LRRTM4: variants seen among roughly 807,000 people sequenced by gnomAD.
LRRTM4 encodes leucine-rich repeat transmembrane neuronal protein 4.
LRRTM4 carries 25 observed loss-of-function variants against 47.6 expected under a neutral mutation model. That is an observed-to-expected ratio of 0.53 (90% CI 0.38 to 0.73). The LOEUF (loss-of-function observed/expected upper bound fraction) is 0.73, where lower values mean the gene tolerates loss of function less well. Among genes scored for constraint, LRRTM4 ranks in the 30% least tolerant of loss-of-function variants. The pLI, the probability that LRRTM4 is intolerant of heterozygous loss-of-function variation, is 0.00. For missense variants in LRRTM4, 638 were observed against 713.4 expected, an observed-to-expected ratio of 0.89 and a Z score of 1.20; for synonymous variants, 311 against 269.5, an observed-to-expected ratio of 1.15 and a Z score of -1.51.
intron 3 of LRRTM4, among the ~76,000 whole-genome samples, chr2:77,149,128 C>G (rs1013016823): frequency 6.6e-6 from 1 of 152,070 alleles, no homozygotes; most frequent in Non-Finnish European, 1.5e-5. Flanking sequence ...GGCCATTGAG[C>G]ATTTGATCTG....
At chr2:77,071,489 G>C (rs1285526906) in intron 3 of LRRTM4, among the ~76,000 whole-genome samples, 1 of 151,996 alleles carries the variant, frequency 6.6e-6, no homozygotes, top group Non-Finnish European at 1.5e-5. Flanking sequence ...TATTTTAAGT[G>C]TATTGAAATT....
chr2:76,807,291 T>C (rs1199772156), intron 3 of LRRTM4, among the ~76,000 whole-genome samples: 1 of 151,232 alleles, frequency 6.6e-6, no homozygotes, highest in African/African-American at 2.4e-5. Context: ...CCTCATTGTT[T>C]AGCATGGCAC....
intron 3 of LRRTM4, among the ~76,000 whole-genome samples, chr2:76,770,008 CTGTT>C (rs1384674552): frequency 1.3e-5 from 2 of 152,184 alleles, no homozygotes; most frequent in African/African-American, 4.8e-5. Context: ...GCCCAGGAAT[CTGTT>C]TGAGCAGGCC....
intron 3 of LRRTM4, among the ~76,000 whole-genome samples, chr2:77,114,891 G>T (rs1305292114): frequency 6.6e-6 from 1 of 152,022 alleles, no homozygotes; most frequent in Non-Finnish European, 1.5e-5. Flanking sequence ...TACTGATGAG[G>T]GTCTATGTCC....
chr2:76,840,075 G>A (rs1033617217), intron 3 of LRRTM4, among the ~76,000 whole-genome samples: 3 of 152,024 alleles, frequency 2.0e-5, no homozygotes, highest in Non-Finnish European at 2.9e-5. Context: ...TTTGTTTTGT[G>A]GACCCCAATC....
intron 3 of LRRTM4, among the ~76,000 whole-genome samples, chr2:77,076,906 T>G (rs1196023529): frequency 6.6e-6 from 1 of 152,190 alleles, no homozygotes; most frequent in Non-Finnish European, 1.5e-5. Flanking sequence ...ATCCCTTTGT[T>G]AAGAAGCATC....
intron 3 of LRRTM4, among the ~76,000 whole-genome samples, chr2:77,068,181 G>C (rs1462446934): frequency 1.3e-5 from 2 of 151,998 alleles, no homozygotes; most frequent in Non-Finnish European, 2.9e-5. Context: ...ATTTCAAATT[G>C]TTTAAAATAC....
At chr2:77,181,142 T>C (rs573231839) in intron 3 of LRRTM4, among the ~76,000 whole-genome samples, 56 of 152,280 alleles carry the variant, frequency 3.7e-4, no homozygotes, top group African/African-American at 1.3e-3. Context: ...TTTTGAGAAG[T>C]GTCTGTAAAC....
intron 3 of LRRTM4, among the ~76,000 whole-genome samples, chr2:77,221,713 T>C (rs1674638002): frequency 6.6e-6 from 1 of 152,006 alleles, no homozygotes; most frequent in African/African-American, 2.4e-5. Context: ...AAGCAAGTCC[T>C]GAGTGACCTA....
At chr2:77,074,256 C>T (rs988263432) in intron 3 of LRRTM4, among the ~76,000 whole-genome samples, 1 of 152,172 alleles carries the variant, frequency 6.6e-6, no homozygotes, top group Non-Finnish European at 1.5e-5. Flanking sequence ...CCTTTGCTAA[C>T]AGTGTGAGTG....
intron 3 of LRRTM4, among the ~76,000 whole-genome samples, chr2:77,284,423 T>C (rs1279875637): frequency 6.6e-6 from 1 of 152,104 alleles, no homozygotes; most frequent in East Asian, 1.9e-4. Context: ...TTTTGATATT[T>C]TGTCTTTTCA....
intron 3 of LRRTM4, among the ~76,000 whole-genome samples, chr2:77,103,672 T>G (rs1671020437): frequency 6.7e-6 from 1 of 149,596 alleles, no homozygotes; most frequent in Non-Finnish European, 1.5e-5. Context: ...TAGATATATA[T>G]ATCACATATA....
intron 3 of LRRTM4, among the ~76,000 whole-genome samples, chr2:77,268,336 GACAGTA>G (rs1320961323): frequency 3.3e-5 from 5 of 152,072 alleles, no homozygotes; most frequent in Non-Finnish European, 7.4e-5. Flanking sequence ...AGTTGCAGAA[GACAGTA>G]TTCTTAGTCA....
chr2:77,164,275 T>C (rs1347294960), intron 3 of LRRTM4, among the ~76,000 whole-genome samples: 1 of 152,062 alleles, frequency 6.6e-6, no homozygotes, highest in African/African-American at 2.4e-5. Flanking sequence ...CCTAAACAAA[T>C]ATGTACCCAA....
At chr2:76,797,480 A>C (rs1441264291) in intron 3 of LRRTM4, among the ~76,000 whole-genome samples, 2 of 152,176 alleles carry the variant, frequency 1.3e-5, no homozygotes. Context: ...AAACATGGAA[A>C]GGAACAACCG....
chr2:77,049,122 T>TTATATATATATATA (rs3058032), intron 3 of LRRTM4, among the ~76,000 whole-genome samples: 17 of 62,658 alleles, frequency 2.7e-4, no homozygotes, highest in Non-Finnish European at 3.5e-4. Flanking sequence ...ATTTCATTTT[T>TTATATATATATATA]TATATATATA....
At chr2:77,483,098 G>C (rs1483706426) in intron 3 of LRRTM4, among the ~76,000 whole-genome samples, 2 of 109,672 alleles carry the variant, frequency 1.8e-5, no homozygotes, top group African/African-American at 7.1e-5. Flanking sequence ...TCCAGCCTAG[G>C]AGGCAGAGCA....
intron 3 of LRRTM4, among the ~76,000 whole-genome samples, chr2:77,165,117 A>T (rs1047450129): frequency 6.6e-6 from 1 of 152,212 alleles, no homozygotes; most frequent in Admixed American, 6.5e-5. Context: ...GCAATAAAAA[A>T]TGATAAAGGG....
chr2:77,289,084 G>A (rs1489883162), intron 3 of LRRTM4, among the ~76,000 whole-genome samples: 1 of 151,982 alleles, frequency 6.6e-6, no homozygotes, highest in Non-Finnish European at 1.5e-5. Flanking sequence ...ATGTCTATAT[G>A]TATAGCTGTA....
Sources: gnomAD v4.1 joint callset for allele counts (sites outside exome capture counted in the v4.1 genomes callset) on GRCh38, gnomAD v4.1.1 for gene constraint, MANE v1.5 for transcripts, NCBI Gene and HGNC (gene_info 2026-07-23, HGNC 2026-07-21) for gene names.